UBR2: variants seen among roughly 807,000 people sequenced by gnomAD.
UBR2 encodes ubiquitin protein ligase E3 component n-recognin 2.
In UBR2, 92 loss-of-function variants were observed where a neutral mutation model predicts 247.9. The observed-to-expected ratio is 0.37, with a 90% CI of 0.31 to 0.44. UBR2 has a LOEUF of 0.44. Ranked by LOEUF, UBR2 falls within the 20% of genes least tolerant of loss-of-function variation. UBR2 has a pLI of 1.00. For missense variants in UBR2, 1,613 were observed against 2,112.6 expected (o/e 0.76, Z 4.64); for synonymous variants, 672 against 693.5 (o/e 0.97, Z 0.49).
rs1026969429 is a variant in UBR2 at position 42,573,715 on chromosome 6, CTCTTT to C, written c.79-14_79-10del. The C allele has an allele frequency of 6.7e-7, 1 of 1,488,042 alleles. No individual in the cohort carries two copies. The highest frequency in any genetic ancestry group is 1.4e-5 in the African/African-American group (1 of 69,862). The allele number at this position is 1,488,042 out of a possible 1,614,324, so 92.2% of individuals were successfully genotyped here. ...TTGTTGGTGTTTAAAACCATTTCTT[CTCTTT>C]TCTTCTTTTAAAGAAATGGCTGCAA... On this transcript the variant is annotated splice_polypyrimidine_tract_variant and intron_variant, in intron 1 of 46. Coordinates refer to ENST00000372901, the MANE Select transcript of UBR2 (RefSeq NM_001363705.2).
intron 4 of UBR2, among the ~76,000 whole-genome samples, chr6:42,597,058 T>C (rs1793021318): frequency 1.3e-5 from 2 of 152,220 alleles, no homozygotes; most frequent in Admixed American, 1.3e-4. Flanking sequence ...TAGAGTAGAC[T>C]TAAAATAATT....
chr6:42,644,784 C>T (rs139010066), intron 20 of UBR2, among the ~76,000 whole-genome samples: 89 of 152,034 alleles, frequency 5.9e-4, no homozygotes, highest in African/African-American at 2.1e-3. Context: ...CTGTATTTTG[C>T]GAGGTGGTGG....
intron 30 of UBR2, among the ~76,000 whole-genome samples, chr6:42,661,833 G>GAGT (rs2151975923): frequency 6.6e-6 from 1 of 152,280 alleles, no homozygotes; most frequent in Admixed American, 6.5e-5. Flanking sequence ...CCCATGAAGA[G>GAGT]AGTAGCTCTT....
chr6:42,594,095 G>A (rs1022563990), intron 3 of UBR2, 96 bp from the exon 4 acceptor site: 22 of 865,572 alleles, frequency 2.5e-5, no homozygotes, highest in Non-Finnish European at 3.9e-5. Context: ...AAACACTTAA[G>A]CAATGGTATT....
intron 2 of UBR2, among the ~76,000 whole-genome samples, chr6:42,577,260 G>A (rs1003733938): frequency 1.3e-5 from 2 of 152,058 alleles, no homozygotes; most frequent in Non-Finnish European, 2.9e-5. Context: ...TAATGCAGAA[G>A]GTTTCTTTAA....
Position 42,691,374 on chromosome 6 carries a change from T to C in UBR2, c.*201T>C. The C allele has an allele frequency of 1.5e-6, 1 of 664,388 alleles. No individual in the cohort carries two copies. Among genetic ancestry groups the C allele is most frequent in the Non-Finnish European group, 2.5e-6 (1 of 405,738 alleles). The allele number at this position is 664,388 out of a possible 1,614,324, so 41.2% of individuals were successfully genotyped here. A position where few individuals can be genotyped will look rare whatever the true frequency, so the allele number is the denominator to read the frequency against. On this transcript the variant is annotated 3_prime_UTR_variant, in exon 47 of 47. Coordinates refer to ENST00000372901, the MANE Select transcript of UBR2 (RefSeq NM_001363705.2). ...TGCACTGTTTGCTGTGCCCCTCAAA[T>C]ATAATGTCTTGGGTTTTAAGATCGA...
chr6:42,629,157 T>C (rs1459325465), intron 11 of UBR2, among the ~76,000 whole-genome samples: 1 of 151,898 alleles, frequency 6.6e-6, no homozygotes, highest in Non-Finnish European at 1.5e-5. Flanking sequence ...GCTGGGATTA[T>C]AGGTGCCCGC....
rs1382009446 is a variant in UBR2 at position 42,637,019 on chromosome 6, G to C, written c.1683G>C (p.Val561=). 1 of 1,603,786 alleles carries C rather than the reference G, an allele frequency of 6.2e-7. No individual in the cohort carries two copies. Among genetic ancestry groups the C allele is most frequent in the Admixed American group, 1.7e-5 (1 of 58,132 alleles). The change falls in exon 15 of 47, where the codon GTG becomes GTC. Residue 561 remains valine, a synonymous_variant. Coordinates refer to ENST00000372901, the MANE Select transcript of UBR2 (RefSeq NM_001363705.2). ...MQDWCASDEK[V]LIEAYKKCLA... ...AAAACCCTCTTTTTTAGGAAAAAGT[G>C]TTAATCGAAGCTTACAAGAAATGTC...
Position 42,659,552 on chromosome 6 carries a change from C to CACACACT in UBR2, c.3243-98_3243-97insTACACAC, listed in dbSNP as rs1797673527. The CACACACT allele has an allele frequency of 1.3e-6, 1 of 792,884 alleles. No homozygotes were observed. Among genetic ancestry groups the CACACACT allele is most frequent in the East Asian group, 2.7e-5 (1 of 36,962 alleles). The allele number at this position is 792,884 out of a possible 1,614,324, so 49.1% of individuals were successfully genotyped here. A position where few individuals can be genotyped will look rare whatever the true frequency, so the allele number is the denominator to read the frequency against. Reference sequence around the variant, plus strand: ...ACACACACACACACACACACACACACACACACACACTACACACACACACAC... The same window carrying CACACACT: ...ACACACACACACACACACACACACACACACACTACACACACACTACACACACACACAC... On this transcript the variant is annotated intron_variant, in intron 29 of 46. Transcript: ENST00000372901. The surrounding 1 kb of genome is among the most constrained non-coding windows in gnomAD (Gnocchi z 4.3).
At chr6:42,648,022 C>T in intron 21 of UBR2, 96 bp from the exon 22 acceptor site, 1 of 924,092 alleles carries the variant, frequency 1.1e-6, no homozygotes, top group Non-Finnish European at 1.7e-6. Flanking sequence ...GTGTATCTAC[C>T]TTAGGTTGTT....
At chr6:42,678,913 G>C (rs182756023) in intron 41 of UBR2, among the ~76,000 whole-genome samples, 1 of 152,084 alleles carries the variant, frequency 6.6e-6, no homozygotes, top group Non-Finnish European at 1.5e-5. Context: ...CCCTTCTCCC[G>C]TAAAGATCAT....
chr6:42,624,600 C>A (rs1254124792), intron 11 of UBR2, among the ~76,000 whole-genome samples: 2 of 152,074 alleles, frequency 1.3e-5, no homozygotes, highest in Non-Finnish European at 2.9e-5. Context: ...CTCAAAATCT[C>A]CCCCTGAAGG....
chr6:42,678,641 TG>T lies in UBR2; in HGVS notation c.4583del (p.Gly1528GlufsTer39). The T allele has an allele frequency of 6.2e-7, 1 of 1,612,452 alleles. No homozygotes were observed. Among genetic ancestry groups the T allele is most frequent in the Non-Finnish European group, 8.5e-7 (1 of 1,179,342 alleles). On this transcript the variant is annotated frameshift_variant, in exon 41 of 47. Coordinates refer to ENST00000372901, the MANE Select transcript of UBR2 (RefSeq NM_001363705.2). LOFTEE classifies it high-confidence loss of function. ...CTGCTTTATTTTTTCATTACTTAAA[TG>T]GAGTTCCTTCCCCACCCGACATTCA... ...CSALFFHYLNGVPSPPDIQVP... is the reference protein window; with the variant it reads ...CSALFFHYLNXVPSPPDIQVP...
Position 42,678,541 on chromosome 6 carries a change from C to A in UBR2, c.4481C>A (p.Ala1494Asp). ...YKTLHQYTGS[A>D]LKEIPSGWHL... ...ATAATCTTTTTTTTCTTTTTTAGTG[C>A]CTTGAAAGAAATACCATCCGGCTGG... The change falls in exon 41 of 47, where the codon GCC (alanine) becomes GAC (aspartate). Residue 1494 changes from alanine to aspartate, a missense_variant and splice_region_variant. Physicochemically the swap from Ala to Asp is moderately radical, Grantham distance 126. This residue lies in a region of UBR2 where 1,524 missense variants were observed against 1,967.3 expected (regional missense o/e 0.77). Coordinates refer to ENST00000372901, the MANE Select transcript of UBR2 (RefSeq NM_001363705.2). The A allele has an allele frequency of 6.2e-7, 1 of 1,603,548 alleles. No individual in the cohort carries two copies. Among genetic ancestry groups the A allele is most frequent in the Non-Finnish European group, 8.5e-7 (1 of 1,177,120 alleles).
rs767400271 is a variant in UBR2 at position 42,603,691 on chromosome 6, G to A, written c.635G>A (p.Ser212Asn). The A allele has an allele frequency of 1.3e-6, 2 of 1,598,844 alleles. No homozygotes were observed. The highest frequency in any genetic ancestry group is 1.7e-6 in the Non-Finnish European group (2 of 1,176,688). Reference sequence around the variant, plus strand: ...GAAATATTAACCTGGGAAAAAGAAAGTGAATTGCCAGCAGATTTAGAGATG... The same window carrying A: ...GAAATATTAACCTGGGAAAAAGAAAATGAATTGCCAGCAGATTTAGAGATG... ...AVEILTWEKE[S>N]ELPADLEMVE... The change falls in exon 5 of 47, where the codon AGT (serine) becomes AAT (asparagine). Residue 212 changes from serine to asparagine, a missense_variant. Around this residue, in one of 3 missense-constraint regions of UBR2, gnomAD observed 1,524 missense variants for 1,967.3 expected, o/e 0.77. Coordinates refer to ENST00000372901, the MANE Select transcript of UBR2 (RefSeq NM_001363705.2).
intron 11 of UBR2, among the ~76,000 whole-genome samples, chr6:42,623,493 G>A (rs771923502): frequency 1.3e-5 from 2 of 151,988 alleles, no homozygotes; most frequent in South Asian, 2.1e-4. Context: ...ACTCTGTCGC[G>A]CAGGCTGGAG....
chr6:42,672,243 G>A (rs1369284166), intron 36 of UBR2, among the ~76,000 whole-genome samples: 7 of 152,154 alleles, frequency 4.6e-5, no homozygotes, highest in African/African-American at 1.7e-4. Context: ...ATGTTGGCCA[G>A]GCTGGTCTCA....
chr6:42,684,954 CTTTG>C (rs1799292226), intron 44 of UBR2, 83 bp downstream of exon 44: 3 of 1,169,490 alleles, frequency 2.6e-6, no homozygotes, highest in South Asian at 1.4e-5. Flanking sequence ...TGTTGTTGTT[CTTTG>C]TTTGGGTAGA....
intron 1 of UBR2, 101 bp downstream of exon 1, chr6:42,564,498 G>A: frequency 7.4e-7 from 1 of 1,355,036 alleles, no homozygotes; most frequent in Non-Finnish European, 1.0e-6. Context: ...ACCCAGACTT[G>A]GGGAAACAGC....
Sources: allele counts gnomAD v4.1 joint callset (sites outside exome capture counted in the v4.1 genomes callset), GRCh38; gene constraint gnomAD v4.1.1; regional missense constraint gnomAD v4.1.1; non-coding constraint Gnocchi (gnomAD v3.1); transcripts MANE v1.5; gene names NCBI Gene and HGNC (gene_info 2026-07-23, HGNC 2026-07-21).